The following LRP8 variants were observed in gnomAD, a reference collection of about 807,000 sequenced individuals.
The protein encoded by LRP8 is LDL receptor related protein 8, also known as low-density lipoprotein receptor-related protein 8.
A neutral mutation model predicts 111.6 loss-of-function variants in LRP8; 46 were observed. The observed-to-expected ratio is 0.41, with a 90% CI of 0.33 to 0.53. LRP8 has a LOEUF of 0.53. LRP8 is among the 20% of genes least tolerant of loss of function. The pLI is 0.20. For synonymous variants in LRP8, 464 were observed against 511.2 expected, an observed-to-expected ratio of 0.91 and a Z score of 1.24; for missense variants, 959 against 1,297.4, an observed-to-expected ratio of 0.74 and a Z score of 4.01.
chr1:53,301,262 G>C (rs879324388), intron 2 of LRP8, among the ~76,000 whole-genome samples: 6 of 152,194 alleles, frequency 3.9e-5, no homozygotes, highest in Non-Finnish European at 7.3e-5. Context: ...CTGAGCCCAA[G>C]AGAAATCTAG....
chr1:53,292,944 C>T (rs944506508), intron 2 of LRP8, among the ~76,000 whole-genome samples: 2 of 152,242 alleles, frequency 1.3e-5, no homozygotes, highest in Non-Finnish European at 2.9e-5. Flanking sequence ...TTCAGTTCCA[C>T]ATTCAATGAA....
intron 2 of LRP8, 150 bp downstream of exon 2, chr1:53,326,723 G>T (rs971476025): frequency 2.3e-6 from 3 of 1,304,106 alleles, no homozygotes; most frequent in Non-Finnish European, 3.1e-6. Flanking sequence ...CGAGGGAGGC[G>T]GTGCCCAGGC....
Position 53,266,958 on chromosome 1 carries a change from C to T in LRP8, c.1253-311G>A, listed in dbSNP as rs1557772401. 2 of 287,446 alleles carry T rather than the reference C, an allele frequency of 7.0e-6. No homozygotes were observed. Among genetic ancestry groups the T allele is most frequent in the Non-Finnish European group, 1.3e-5 (2 of 148,238 alleles). The allele number at this position is 287,446 out of a possible 1,614,324, so 17.8% of individuals were successfully genotyped here. ...CTTCCACAGTGTGACCCCAAGTTCCCTGTCCAGCCTCATTACTCGCCTCTC... is the reference window on the plus strand; with the variant it reads ...CTTCCACAGTGTGACCCCAAGTTCCTTGTCCAGCCTCATTACTCGCCTCTC... On this transcript the variant is annotated intron_variant, in intron 8 of 18. Coordinates refer to ENST00000306052, the MANE Select transcript of LRP8 (RefSeq NM_004631.5). This position sits in a 1 kb window ranked among gnomAD's most constrained non-coding sequence, Gnocchi z 5.0.
intron 2 of LRP8, among the ~76,000 whole-genome samples, chr1:53,310,711 C>T (rs1288708062): frequency 6.6e-6 from 1 of 152,190 alleles, no homozygotes; most frequent in African/African-American, 2.4e-5. Context: ...CCAGAAAGAA[C>T]TTCGTTTCTG....
At position 53,266,901 on chromosome 1, in the gene LRP8, C is replaced by A; in HGVS notation, c.1253-254G>T. 2.3e-6 allele frequency: 1 copy of A among 442,030 alleles called. No individual in the cohort carries two copies. 27.4% of individuals were successfully genotyped at this position (442,030 alleles called of 1,614,324 possible). A position where few individuals can be genotyped will look rare whatever the true frequency, so the allele number is the denominator to read the frequency against. On this transcript the variant is annotated intron_variant, in intron 8 of 18. Coordinates refer to ENST00000306052, the MANE Select transcript of LRP8 (RefSeq NM_004631.5). This position sits in a 1 kb window ranked among gnomAD's most constrained non-coding sequence, Gnocchi z 5.0. ...AACTTCTCCAAAATCTTTTATGGCT[C>A]CCCATTTTCTCCTTAGGCCTGCACT...
chr1:53,327,468 A>T (rs1557881576), intron 1 of LRP8: 2 of 278,872 alleles, frequency 7.2e-6, no homozygotes, highest in African/African-American at 4.4e-5. Context: ...CGCGCGTGTC[A>T]AATAAACCCC....
intron 2 of LRP8, chr1:53,304,441 C>T (rs917415108): frequency 2.0e-5 from 3 of 152,324 alleles, no homozygotes; most frequent in African/African-American, 7.2e-5. Flanking sequence ...CACCAGCAGC[C>T]TCCCCTCACC....
Position 53,308,078 on chromosome 1 carries a change from C to T in LRP8, c.245-18389G>A, listed in dbSNP as rs146857847. Among the ~76,000 whole-genome samples, 305 of 152,348 alleles carry T rather than the reference C, an allele frequency of 2.0e-3. 2 individuals carry two copies. Among genetic ancestry groups the T allele is most frequent in the African/African-American group, 6.7e-3 (279 of 41,578 alleles). ...GGTGCACACCTCAGGATGCAGGGCG[C>T]TCAGTCCCTGCGGAGGCTGCTGGCT... On this transcript the variant is annotated intron_variant, in intron 2 of 18. Transcript: ENST00000306052.
In LRP8 at chr1:53,284,569, G is replaced by A. The variant is rs530933004; in HGVS notation, c.368-3854C>T. On this transcript the variant is annotated intron_variant, in intron 3 of 18. Coordinates refer to ENST00000306052, the MANE Select transcript of LRP8 (RefSeq NM_004631.5). Reference sequence around the variant, plus strand: ...TGGCTGTACGCTCCACCTCCAGGGTGGACCTCCAGGTTCTACAGACCCCAG... The same window carrying A: ...TGGCTGTACGCTCCACCTCCAGGGTAGACCTCCAGGTTCTACAGACCCCAG... Among the ~76,000 whole-genome samples, 13 of 152,292 alleles carry A rather than the reference G, an allele frequency of 8.5e-5. No individual in the cohort carries two copies. The East Asian group carries it at 2.5e-3, about 29-fold the overall frequency.
intron 8 of LRP8, 28 bp downstream of exon 8, chr1:53,271,000 T>C (rs1287329659): frequency 1.2e-6 from 2 of 1,613,974 alleles, no homozygotes; most frequent in Admixed American, 3.3e-5. Context: ...CTTTCAGAGC[T>C]GCCCCTCTGC....
Position 53,246,907 on chromosome 1 carries a change from C to A in LRP8, c.*111G>T, listed in dbSNP as rs1045911855. 1 of 919,742 alleles carries A rather than the reference C, an allele frequency of 1.1e-6. No homozygotes were observed. Among genetic ancestry groups the A allele is most frequent in the East Asian group, 2.7e-5 (1 of 36,894 alleles). 57.0% of individuals were successfully genotyped at this position (919,742 alleles called of 1,614,324 possible). ...ATTTAAAAAAAAAATCACACACACA[C>A]ATACACTCACACAGACCCATATATA... On this transcript the variant is annotated 3_prime_UTR_variant, in exon 19 of 19. Coordinates refer to ENST00000306052, the MANE Select transcript of LRP8 (RefSeq NM_004631.5).
In LRP8 at chr1:53,327,839, TGCA is replaced by T. The variant is rs764027862; in HGVS notation, c.71_73del (p.Leu24del). The T allele has an allele frequency of 5.3e-3, 7,472 of 1,399,470 alleles. No individual in the cohort carries two copies. Among genetic ancestry groups the T allele is most frequent in the Admixed American group, 0.013 (582 of 45,022 alleles). The allele number at this position is 1,399,470 out of a possible 1,614,324, so 86.7% of individuals were successfully genotyped here. A position where few individuals can be genotyped will look rare whatever the true frequency, so the allele number is the denominator to read the frequency against. ...CGCTGCCGCCGCAAGATGCTGGAGC[TGCA>T]GCAGCAGCAGCAGCAGCAGCAGCAG... On this transcript the variant is annotated inframe_deletion, in exon 1 of 19. Coordinates refer to ENST00000306052, the MANE Select transcript of LRP8 (RefSeq NM_004631.5).
At chr1:53,256,766 C>T (rs531764698) in intron 15 of LRP8, among the ~76,000 whole-genome samples, 1 of 152,242 alleles carries the variant, frequency 6.6e-6, no homozygotes, top group South Asian at 2.1e-4. Flanking sequence ...ATAAGGAGAC[C>T]ATGGTTGTAG....
intron 8 of LRP8, chr1:53,268,711 C>T (rs1473986443): frequency 6.6e-6 from 1 of 152,162 alleles, no homozygotes; most frequent in Non-Finnish European, 1.5e-5. Flanking sequence ...TTCCTCCAAA[C>T]CTGCTTCCCT....
rs888863030 is a variant in LRP8 at position 53,266,966 on chromosome 1, C to A, written c.1253-319G>T. 7.3e-6 allele frequency: 2 copies of A among 275,354 alleles called. No individual in the cohort carries two copies. Among genetic ancestry groups the A allele is most frequent in the Admixed American group, 4.4e-5 (1 of 22,934 alleles). The allele number at this position is 275,354 out of a possible 1,614,324, so 17.1% of individuals were successfully genotyped here. ...GTGTGACCCCAAGTTCCCTGTCCAG[C>A]CTCATTACTCGCCTCTCCAACATAG... is the stretch of plus-strand genomic sequence containing the variant. On this transcript the variant is annotated intron_variant, in intron 8 of 18. Transcript: ENST00000306052. This position sits in a 1 kb window ranked among gnomAD's most constrained non-coding sequence, Gnocchi z 5.0.
intron 3 of LRP8, among the ~76,000 whole-genome samples, 160 bp from the exon 4 acceptor site, chr1:53,280,875 T>C (rs1015609003): frequency 2.0e-5 from 3 of 152,208 alleles, no homozygotes; most frequent in Non-Finnish European, 2.9e-5. Flanking sequence ...AGAAGAAGCC[T>C]CTGTCTGTGC....
In LRP8 at chr1:53,262,224, G is replaced by A. The variant is rs1458358612; in HGVS notation, c.1775-17C>T. On this transcript the variant is annotated splice_polypyrimidine_tract_variant and intron_variant, in intron 11 of 18. Coordinates refer to ENST00000306052, the MANE Select transcript of LRP8 (RefSeq NM_004631.5). The surrounding 1 kb of genome is among the most constrained non-coding windows in gnomAD (Gnocchi z 4.8). Reference sequence around the variant, plus strand: ...TCAGCAGATCTTGGGAAGGAAGCAGGATCAGGTCATGAACCTGGGACCCCA... The same window carrying A: ...TCAGCAGATCTTGGGAAGGAAGCAGAATCAGGTCATGAACCTGGGACCCCA... 4.3e-6 allele frequency: 7 copies of A among 1,612,584 alleles called. No homozygotes were observed. The highest frequency in any genetic ancestry group is 2.0e-4 in the Middle Eastern group (1 of 4,974).
rs200721424 is a variant in LRP8, at chr1:53,257,358, G to C, written c.2316C>G (p.Asn772Lys). The C allele has an allele frequency of 9.3e-6, 15 of 1,614,070 alleles. No homozygotes were observed. The highest frequency in any genetic ancestry group is 8.5e-7 in the Non-Finnish European group (1 of 1,180,036). ...GTTVHRSTYQ[N>K]HSTETPSLTA... The stretch of plus-strand genomic sequence containing the variant: ...TCAGGCTTGGTGTCTCTGTGCTGTG[G>C]TTCTGGTAGGTGGATCTGTGGACGG... The change falls in exon 15 of 19, where the codon AAC becomes AAG. Residue 772 changes from asparagine to lysine, a missense_variant. Around this residue, in one of 3 missense-constraint regions of LRP8, gnomAD observed 819 missense variants for 1,097.6 expected, o/e 0.75. Coordinates refer to ENST00000306052, the MANE Select transcript of LRP8 (RefSeq NM_004631.5).
intron 18 of LRP8, among the ~76,000 whole-genome samples, chr1:53,248,894 C>A (rs1222801579): frequency 1.3e-5 from 2 of 152,186 alleles, no homozygotes; most frequent in East Asian, 3.8e-4. Context: ...ACTCAGGAGG[C>A]AGGTAGAATG....
Sources: gnomAD v4.1 joint callset for allele counts (sites outside exome capture counted in the v4.1 genomes callset) on GRCh38, gnomAD v4.1.1 for gene constraint, gnomAD v4.1.1 regional missense constraint, Gnocchi (gnomAD v3.1) non-coding constraint, MANE v1.5 for transcripts, NCBI Gene and HGNC (gene_info 2026-07-23, HGNC 2026-07-21) for gene names.